Variants in CNTN3 observed in about 807,000 individuals in gnomAD.
CNTN3 encodes the protein contactin-3.
In CNTN3, 60 loss-of-function variants were observed where a neutral mutation model predicts 119.1. The observed-to-expected ratio is 0.50, with a 90% CI of 0.41 to 0.62. The LOEUF (loss-of-function observed/expected upper bound fraction) is 0.62. CNTN3 is among the 20% of genes least tolerant of loss of function. The probability of loss-of-function intolerance (pLI) is 0.00; values close to 1 mark genes in which losing one functional copy is unlikely to be tolerated. For synonymous variants in CNTN3, 450 were observed against 438.7 expected (o/e 1.03, Z -0.32); for missense variants, 1,101 against 1,242.4 (o/e 0.89, Z 1.71).
intron 18 of CNTN3, among the ~76,000 whole-genome samples, chr3:74,296,572 A>C (rs1431560019): frequency 1.3e-5 from 2 of 152,188 alleles, no homozygotes; most frequent in African/African-American, 4.8e-5. Flanking sequence ...TCTACTTACT[A>C]TTCTTAGGAA....
At chr3:74,330,541 C>A (rs939868676) in intron 13 of CNTN3, among the ~76,000 whole-genome samples, 4 of 152,030 alleles carry the variant, frequency 2.6e-5, no homozygotes, top group African/African-American at 7.2e-5. Context: ...TGATAAATGA[C>A]CATGTTAATA....
At chr3:74,454,817 A>C (rs1245726503) in intron 4 of CNTN3, among the ~76,000 whole-genome samples, 1 of 151,486 alleles carries the variant, frequency 6.6e-6, no homozygotes, top group Non-Finnish European at 1.5e-5. Flanking sequence ...AATTCTTTTA[A>C]GAATGTTGAA....
chr3:74,289,542 C>G (rs1275611957), intron 19 of CNTN3, among the ~76,000 whole-genome samples: 3 of 152,188 alleles, frequency 2.0e-5, no homozygotes, highest in African/African-American at 7.2e-5. Context: ...TATTACTTCA[C>G]TGGTTTGCTT....
At chr3:74,607,394 C>T (rs1575865520) in intron 1 of CNTN3, among the ~76,000 whole-genome samples, 3 of 152,254 alleles carry the variant, frequency 2.0e-5, no homozygotes, top group Middle Eastern at 6.8e-3. Context: ...TTCTGCAATG[C>T]ATTAAGTTAT....
chr3:74,343,071 A>G (rs759635560), intron 11 of CNTN3, among the ~76,000 whole-genome samples: 1 of 152,232 alleles, frequency 6.6e-6, no homozygotes, highest in Non-Finnish European at 1.5e-5. Flanking sequence ...TCTATGCCTC[A>G]GAGAGAGTTA....
chr3:74,529,266 G>A (rs1196898164), intron 1 of CNTN3, among the ~76,000 whole-genome samples: 3 of 151,798 alleles, frequency 2.0e-5, no homozygotes, highest in Non-Finnish European at 4.4e-5. Flanking sequence ...ATTAACAATA[G>A]AAAAGTAATG....
At chr3:74,384,330 T>C (rs180817448) in intron 5 of CNTN3, among the ~76,000 whole-genome samples, 74 of 152,332 alleles carry the variant, frequency 4.9e-4, no homozygotes, top group African/African-American at 1.7e-3. Flanking sequence ...ACAGATCTCC[T>C]TGTGAAAAGA....
At chr3:74,395,454 C>T (rs1705023247) in intron 5 of CNTN3, among the ~76,000 whole-genome samples, 1 of 152,032 alleles carries the variant, frequency 6.6e-6, no homozygotes, top group Non-Finnish European at 1.5e-5. Flanking sequence ...GTCTGGCTTC[C>T]AATGGGTACC....
intron 1 of CNTN3, among the ~76,000 whole-genome samples, chr3:74,607,349 TTGATTTTAATTGCCTG>T (rs1705010309): frequency 6.6e-6 from 1 of 152,210 alleles, no homozygotes; most frequent in Non-Finnish European, 1.5e-5. Flanking sequence ...ATTGTTCGGG[TTGATTTTAATTGCCTG>T]AAAAGTGTCA....
intron 14 of CNTN3, 65 bp from the exon 15 acceptor site, chr3:74,301,870 G>T: frequency 6.5e-7 from 1 of 1,545,502 alleles, no homozygotes; most frequent in South Asian, 1.2e-5. Context: ...TCCTATCAAA[G>T]AGAAGAGAAT....
intron 2 of CNTN3, among the ~76,000 whole-genome samples, chr3:74,516,001 C>T (rs1184237095): frequency 6.6e-6 from 1 of 151,982 alleles, no homozygotes; most frequent in African/African-American, 2.4e-5. Context: ...CTCTTACCCA[C>T]CACCAAGGAG....
intron 4 of CNTN3, among the ~76,000 whole-genome samples, chr3:74,462,109 T>A (rs765719204): frequency 6.6e-6 from 1 of 151,906 alleles, no homozygotes; most frequent in East Asian, 1.9e-4. Flanking sequence ...GTGGGGAACA[T>A]CCCCTCTCAC....
intron 1 of CNTN3, among the ~76,000 whole-genome samples, chr3:74,548,332 T>C (rs148607920): frequency 3.5e-4 from 53 of 152,272 alleles, no homozygotes; most frequent in African/African-American, 1.3e-3. Flanking sequence ...GTTTTGATAG[T>C]TTTTGGTAAA....
chr3:74,517,097 C>A (rs978000245), intron 2 of CNTN3, among the ~76,000 whole-genome samples: 1 of 151,978 alleles, frequency 6.6e-6, no homozygotes, highest in East Asian at 1.9e-4. Context: ...CAAAGCTTCA[C>A]TTTCTTAACC....
intron 1 of CNTN3, among the ~76,000 whole-genome samples, chr3:74,588,727 A>G (rs1048548534): frequency 6.6e-6 from 1 of 152,188 alleles, no homozygotes; most frequent in African/African-American, 2.4e-5. Flanking sequence ...TACAGTAACC[A>G]AAACAGCATG....
At chr3:74,288,164 T>G (rs868685226) in intron 19 of CNTN3, among the ~76,000 whole-genome samples, 1 of 141,750 alleles carries the variant, frequency 7.1e-6, no homozygotes, top group Non-Finnish European at 1.5e-5. Flanking sequence ...CTTTTCTTTT[T>G]TTTTTTTTTT....
intron 5 of CNTN3, among the ~76,000 whole-genome samples, chr3:74,379,959 AC>A (rs1704574603): frequency 6.6e-6 from 1 of 152,164 alleles, no homozygotes; most frequent in Admixed American, 6.5e-5. Context: ...ATTTTATGAA[AC>A]TTAGACAATT....
intron 3 of CNTN3, among the ~76,000 whole-genome samples, chr3:74,491,458 C>T (rs979105006): frequency 1.3e-5 from 2 of 152,094 alleles, no homozygotes; most frequent in Admixed American, 6.6e-5. Context: ...TGAGATGGCA[C>T]CACTGCACTC....
At chr3:74,544,647 G>A (rs1308866617) in intron 1 of CNTN3, among the ~76,000 whole-genome samples, 1 of 152,140 alleles carries the variant, frequency 6.6e-6, no homozygotes. Flanking sequence ...CACCCAGGCT[G>A]GAGTGCAGTG....
Sources: allele counts gnomAD v4.1 joint callset (sites outside exome capture counted in the v4.1 genomes callset), GRCh38; gene constraint gnomAD v4.1.1; transcripts MANE v1.5; gene names NCBI Gene and HGNC (gene_info 2026-07-23, HGNC 2026-07-21).